MRO: variants seen among roughly 807,000 people sequenced by gnomAD.
The protein encoded by MRO is maestro, also known as protein maestro.
A neutral mutation model predicts 31.0 loss-of-function variants in MRO; 28 were observed. The ratio of observed to expected loss-of-function variants is 0.90; its 90% CI spans 0.67 to 1.24. The LOEUF is 1.24. Among genes scored for constraint, MRO ranks in the 50% most tolerant of loss-of-function variants. The pLI is 0.00. For missense variants in MRO, 332 were observed against 289.2 expected (o/e 1.15, Z -1.07); for synonymous variants, 108 against 108.4 (o/e 1.00, Z 0.02).
At chr18:50,820,104 G>C (rs942224633), upstream of MRO, 15 of 770,456 alleles carry the variant, frequency 1.9e-5, no homozygotes, top group Non-Finnish European at 3.0e-5. Context: ...CTCAATGGAC[G>C]GGTTCCAGGC....
In MRO at chr18:50,795,611, C is replaced by CCT. The variant is rs1912724900; in HGVS notation, c.*3724_*3725dup. The CCT allele has an allele frequency of 6.6e-6, 1 of 152,246 alleles. No individual in the cohort carries two copies. The highest frequency in any genetic ancestry group is 2.1e-4 in the South Asian group (1 of 4,830). The allele number at this position is 152,246 out of a possible 1,614,324, so 9.4% of individuals were successfully genotyped here. ...AGCCTCCTCCTTTGTCATTTTCTCT[C>CCT]CTCTCTCTCCACCACTTCCCTCTCC... On this transcript the variant is annotated 3_prime_UTR_variant, in exon 8 of 8. Coordinates refer to ENST00000398439, the MANE Select transcript of MRO (RefSeq NM_031939.6).
chr18:50,801,403 C>T lies in MRO; in HGVS notation c.531G>A (p.Gln177=). 1 of 1,610,660 alleles carries T rather than the reference C, an allele frequency of 6.2e-7. No homozygotes were observed. The highest frequency in any genetic ancestry group is 8.5e-7 in the Non-Finnish European group (1 of 1,177,806). Residue 177 remains glutamine, a synonymous_variant, in exon 6 of 8, where the codon CAG becomes CAA. Coordinates refer to ENST00000398439, the MANE Select transcript of MRO (RefSeq NM_031939.6). Reference sequence around the variant, plus strand: ...AATGGATCAGGAGGGAATCTCGTGTCTGCTTAACCTGACTGGTGAAAAATT... The same window carrying T: ...AATGGATCAGGAGGGAATCTCGTGTTTGCTTAACCTGACTGGTGAAAAATT... The part of the protein sequence containing the change: ...WKKFFTSQVK[Q]TRDSLLIHLQ...
chr18:50,800,164 AT>A, intron 6 of MRO, 21 bp from the exon 7 acceptor site: 1 of 1,506,546 alleles, frequency 6.6e-7, no homozygotes, highest in Non-Finnish European at 9.2e-7. Flanking sequence ...TAATATTACT[AT>A]TTTATTTATT....
chr18:50,810,584 A>G (rs182087702), intron 2 of MRO, among the ~76,000 whole-genome samples: 15 of 152,342 alleles, frequency 9.8e-5, no homozygotes, highest in Admixed American at 5.2e-4. Context: ...TTGTATATGT[A>G]CAGCTTGTAA....
chr18:50,812,372 T>C (rs180953936), intron 2 of MRO, among the ~76,000 whole-genome samples: 1 of 152,220 alleles, frequency 6.6e-6, no homozygotes, highest in Admixed American at 6.5e-5. Context: ...GTTTGTCTTT[T>C]TCTGAGTTGT....
At chr18:50,823,468 T>C (rs1044528665), upstream of MRO, 1 of 152,252 alleles carries the variant, frequency 6.6e-6, no homozygotes, top group African/African-American at 2.4e-5. Flanking sequence ...CTGGCTGTTA[T>C]GCCTTCCATT....
rs76779513 is a variant in MRO at position 50,807,815 on chromosome 18, T to C, written c.100-965A>G. On this transcript the variant is annotated intron_variant, in intron 3 of 7. Coordinates refer to ENST00000398439, the MANE Select transcript of MRO (RefSeq NM_031939.6). ...GTACTTTAAGAACTAAACTCTATCA[T>C]GCCTGTAATCCCAGCACTTTGGGAG... Among the ~76,000 whole-genome samples the C allele has an allele frequency of 7.2e-3, 1,091 of 152,322 alleles. 7 individuals carry two copies. The highest frequency in any genetic ancestry group is 0.018 in the South Asian group (85 of 4,830).
intron 5 of MRO, among the ~76,000 whole-genome samples, chr18:50,801,888 G>T (rs1438190752): frequency 6.6e-6 from 1 of 152,098 alleles, no homozygotes; most frequent in East Asian, 1.9e-4. Context: ...AGGAAAAGTA[G>T]GTCTACTTCC....
chr18:50,802,100 A>G (rs1026141271), intron 5 of MRO, among the ~76,000 whole-genome samples: 1 of 152,198 alleles, frequency 6.6e-6, no homozygotes, highest in Admixed American at 6.5e-5. Context: ...ATCAATACAT[A>G]AAAGAGTTTT....
rs61728184 is a variant in MRO, at chr18:50,809,144, CAAAAAAAAAAA to C, written c.99+147_99+157del. On this transcript the variant is annotated intron_variant, in intron 3 of 7. Coordinates refer to ENST00000398439, the MANE Select transcript of MRO (RefSeq NM_031939.6). ...TGGGCGACAGAGCGAGACTCCGTCT[CAAAAAAAAAAA>C]AAAAAAAAAAAAAAAAAACTGTCAT... Among the ~76,000 whole-genome samples, 176 of 99,018 alleles carry C rather than the reference CAAAAAAAAAAA, an allele frequency of 1.8e-3. 3 individuals carry two copies. The highest frequency in any genetic ancestry group is 9.9e-3 in the Middle Eastern group (2 of 202). The allele number at this position is 99,018 out of a possible 152,430, so 65.0% of individuals were successfully genotyped here.
intron 7 of MRO, 65 bp from the exon 8 acceptor site, chr18:50,799,455 T>C: frequency 1.5e-6 from 2 of 1,358,784 alleles, no homozygotes; most frequent in Non-Finnish European, 2.1e-6. Flanking sequence ...ACAATGTAAC[T>C]AGTAGGCAGT....
upstream of MRO, among the ~76,000 whole-genome samples, chr18:50,822,294 A>ATCTT (rs1915330064): frequency 1.3e-5 from 2 of 151,640 alleles, no homozygotes; most frequent in South Asian, 2.1e-4. Flanking sequence ...TATGTGAATT[A>ATCTT]CATGTGTATT....
upstream of MRO, among the ~76,000 whole-genome samples, chr18:50,823,012 C>T (rs759537115): frequency 5.3e-5 from 8 of 152,060 alleles, no homozygotes; most frequent in Non-Finnish European, 7.4e-5. Flanking sequence ...GGCAGTCACT[C>T]GGGAAAACCC....
rs545713559 is a variant in MRO, at chr18:50,798,664, A to C, written c.*673T>G. 3 of 152,146 alleles carry C rather than the reference A, an allele frequency of 2.0e-5. No individual in the cohort carries two copies. Among genetic ancestry groups the C allele is most frequent in the African/African-American group, 7.2e-5 (3 of 41,414 alleles). The allele number at this position is 152,146 out of a possible 1,614,324, so 9.4% of individuals were successfully genotyped here. A position where few individuals can be genotyped will look rare whatever the true frequency, so the allele number is the denominator to read the frequency against. On this transcript the variant is annotated 3_prime_UTR_variant, in exon 8 of 8. Transcript: ENST00000398439. The stretch of plus-strand genomic sequence containing the variant: ...TGACCGTGCCCACTGAATTGTAAGC[A>C]CTCGGTGTTACCTACTATTGTTATC...
At chr18:50,806,658 T>C (rs926780689) in intron 4 of MRO, 46 bp downstream of exon 4, 2 of 1,610,706 alleles carry the variant, frequency 1.2e-6, no homozygotes, top group African/African-American at 1.3e-5. Context: ...ACCAAGGTGG[T>C]TGGAGAGGCT....
At chr18:50,800,884 CAAAA>C (rs11295212) in intron 6 of MRO, among the ~76,000 whole-genome samples, 1 of 105,422 alleles carries the variant, frequency 9.5e-6, no homozygotes, top group African/African-American at 4.2e-5. Flanking sequence ...AAAACTGTCT[CAAAA>C]AAAAAAAAAA....
At chr18:50,803,797 G>A (rs538307449) in intron 5 of MRO, among the ~76,000 whole-genome samples, 6 of 152,206 alleles carry the variant, frequency 3.9e-5, no homozygotes, top group East Asian at 3.9e-4. Flanking sequence ...TCTGGCTCTC[G>A]CCACGTGGCT....
At chr18:50,817,246 A>G (rs536977044) in intron 2 of MRO, among the ~76,000 whole-genome samples, 162 of 152,312 alleles carry the variant, frequency 1.1e-3, no homozygotes, top group Non-Finnish European at 1.7e-3. Context: ...ACAGGTTGTC[A>G]GGGATCATCT....
chr18:50,814,065 A>G (rs1174419993), intron 2 of MRO, among the ~76,000 whole-genome samples: 1 of 152,164 alleles, frequency 6.6e-6, no homozygotes, highest in African/African-American at 2.4e-5. Context: ...TTTTCTTTTA[A>G]CAACTTCATG....
Sources: gnomAD v4.1 joint callset for allele counts (sites outside exome capture counted in the v4.1 genomes callset) on GRCh38, gnomAD v4.1.1 for gene constraint, MANE v1.5 for transcripts, NCBI Gene and HGNC (gene_info 2026-07-23, HGNC 2026-07-21) for gene names.